Variants in SLC26A6 observed in about 807,000 individuals in gnomAD.
The protein encoded by SLC26A6 is anion exchange transporter.
A neutral mutation model predicts 87.1 loss-of-function variants in SLC26A6; 67 were observed. That is an observed-to-expected ratio of 0.77 (90% CI 0.63 to 0.94). SLC26A6 has a LOEUF of 0.94. Ranked by LOEUF, SLC26A6 falls within the 40% of genes least tolerant of loss-of-function variation. The pLI, the probability that SLC26A6 is intolerant of heterozygous loss-of-function variation, is 0.00. For synonymous variants in SLC26A6, 414 were observed against 405.9 expected, an observed-to-expected ratio of 1.02 and a Z score of -0.24; for missense variants, 902 against 973.0, an observed-to-expected ratio of 0.93 and a Z score of 0.97.
chr3:48,627,886 T>C, intron 17 of SLC26A6, 60 bp downstream of exon 17: 2 of 1,493,510 alleles, frequency 1.3e-6, no homozygotes, highest in African/African-American at 1.4e-5. Flanking sequence ...TCATGAGACA[T>C]GTGGATCCTG....
rs2046671334 is a variant in SLC26A6, at chr3:48,627,944, A to T, written c.1893+2T>A. 1 of 1,583,984 alleles carries T rather than the reference A, an allele frequency of 6.3e-7. No individual in the cohort carries two copies. Among genetic ancestry groups the T allele is most frequent in the East Asian group, 2.3e-5 (1 of 42,738 alleles). The stretch of plus-strand genomic sequence containing the variant: ...CACCTCCTTTCCCACCTCCAGTCTC[A>T]CCATCATCTTGCAGTCCTCAACGTT... On this transcript the variant is annotated splice_donor_variant, in intron 17 of 20. Transcript: ENST00000395550. LOFTEE classifies it high-confidence loss of function.
Position 48,631,797 on chromosome 3 carries a change from ACTGT to A in SLC26A6, c.751_754del (p.Thr251CysfsTer29). ...GGGCAGCTTCCAGCAGACCTCCAGC[ACTGT>A]CTGAGGAGAGGCCAGGTCACAGCTA... On this transcript the variant is annotated frameshift_variant and splice_region_variant, in exon 7 of 21. Coordinates refer to ENST00000395550, the MANE Select transcript of SLC26A6 (RefSeq NM_022911.3). LOFTEE classifies it high-confidence loss of function. 3.1e-6 allele frequency: 5 copies of A among 1,613,372 alleles called. No individual in the cohort carries two copies. The highest frequency in any genetic ancestry group is 1.3e-5 in the African/African-American group (1 of 74,896).
intron 13 of SLC26A6, 61 bp from the exon 14 acceptor site, chr3:48,629,772 C>T (rs775845480): frequency 5.0e-6 from 8 of 1,609,952 alleles, no homozygotes; most frequent in African/African-American, 2.7e-5. Flanking sequence ...CAGAGGGGTC[C>T]GAAGGAGCCT....
chr3:48,627,463 A>C, intron 17 of SLC26A6: 2 of 197,342 alleles, frequency 1.0e-5, no homozygotes, highest in Non-Finnish European at 1.0e-5. Flanking sequence ...ATCCTCTTTG[A>C]CCCCTCAATT....
In SLC26A6 at chr3:48,629,535, G is replaced by A. The variant is rs1431422289; in HGVS notation, c.1599+107C>T. ...TGAAATCCCAAAGACCAAAGCCAAA[G>A]TATCCTCAGCCCCCAGTTCCCTGGC... is the stretch of plus-strand genomic sequence containing the variant. On this transcript the variant is annotated intron_variant, in intron 14 of 20. Transcript: ENST00000395550. 1.3e-5 allele frequency: 17 copies of A among 1,261,486 alleles called. No individual in the cohort carries two copies. In the East Asian group the frequency reaches 4.0e-4, roughly 30 times the overall value. 78.1% of individuals were successfully genotyped at this position (1,261,486 alleles called of 1,614,324 possible). A position where few individuals can be genotyped will look rare whatever the true frequency, so the allele number is the denominator to read the frequency against.
Position 48,626,341 on chromosome 3 carries a change from G to A in SLC26A6, c.2142C>T (p.Ser714=). The part of the protein sequence containing the change: ...YMAACHSPVV[S]QLEAGHFFDA... Reference sequence around the variant, plus strand: ...CGAAGAAGTGCCCAGCCTCAAGCTGGCTGACCACAGGGCCTGTGGGCAAGA... The same window carrying A: ...CGAAGAAGTGCCCAGCCTCAAGCTGACTGACCACAGGGCCTGTGGGCAAGA... The change falls in exon 20 of 21, where the codon AGC becomes AGT. Residue 714 remains serine, a synonymous_variant. Transcript: ENST00000395550. 6.2e-7 allele frequency: 1 copy of A among 1,613,992 alleles called. No individual in the cohort carries two copies. The highest frequency in any genetic ancestry group is 8.5e-7 in the Non-Finnish European group (1 of 1,179,994).
At chr3:48,631,511 C>A in intron 7 of SLC26A6, 138 bp downstream of exon 7, 1 of 1,215,242 alleles carries the variant, frequency 8.2e-7, no homozygotes. Context: ...TAGGGGCTTT[C>A]TGCTGTGCCC....
Position 48,629,642 on chromosome 3 carries a change from C to G in SLC26A6, c.1599G>C (p.Glu533Asp). ...DIYRDVAEYS[E>D]AKEVRGVKVF... is the part of the protein sequence containing the mutation. ...ATCTCACTCAGCCCCTGACACTCAC[C>G]TCTGAGTACTCTGCCACATCTCTGT... The change falls in exon 14 of 21, where the codon GAG becomes GAC. Residue 533 changes from glutamate (E) to aspartate (D), a missense_variant and splice_region_variant. Glu to Asp is a conservative substitution (Grantham distance 45, BLOSUM62 2). Transcript: ENST00000395550. 1.2e-6 allele frequency: 2 copies of G among 1,611,348 alleles called. No homozygotes were observed. The highest frequency in any genetic ancestry group is 8.5e-7 in the Non-Finnish European group (1 of 1,178,652).
Position 48,628,138 on chromosome 3 carries a change from G to C in SLC26A6, c.1801-100C>G. On this transcript the variant is annotated intron_variant, in intron 16 of 20. Coordinates refer to ENST00000395550, the MANE Select transcript of SLC26A6 (RefSeq NM_022911.3). This position sits in a 1 kb window ranked among gnomAD's most constrained non-coding sequence, Gnocchi z 4.4. ...ATGCCCCCTGGTGCTGGGCAGGTGGGTGGGCCAGGACCAGAAGCTGTGGGA... is the reference window on the plus strand; with the variant it reads ...ATGCCCCCTGGTGCTGGGCAGGTGGCTGGGCCAGGACCAGAAGCTGTGGGA... 1.7e-6 allele frequency: 2 copies of C among 1,176,912 alleles called. No homozygotes were observed. The highest frequency in any genetic ancestry group is 2.4e-6 in the Non-Finnish European group (2 of 835,774). The allele number at this position is 1,176,912 out of a possible 1,614,324, so 72.9% of individuals were successfully genotyped here.
At chr3:48,630,863 T>C in intron 9 of SLC26A6, 130 bp downstream of exon 9, 2 of 1,522,684 alleles carry the variant, frequency 1.3e-6, no homozygotes, top group Non-Finnish European at 1.8e-6. Flanking sequence ...CGTCCTGCTC[T>C]CCCACCCTCA....
At chr3:48,634,392 GA>G (rs2046896458) in intron 1 of SLC26A6, 1 of 152,242 alleles carries the variant, frequency 6.6e-6, no homozygotes, top group Non-Finnish European at 1.5e-5. Context: ...ACCTACCAGG[GA>G]ATCTTTATCA....
rs770506570 is a variant in SLC26A6, at chr3:48,633,614, C to A, written c.45G>T (p.Leu15=). The change falls in exon 2 of 21, where the codon CTG becomes CTT. Residue 15 remains leucine, a synonymous_variant. Coordinates refer to ENST00000395550, the MANE Select transcript of SLC26A6 (RefSeq NM_022911.3). Reference sequence around the variant, plus strand: ...GGTCCATTGCTTGTGTTGCAGACAGCAGTGCCTGTGTGTCCCTCGGTCTGG... The same window carrying A: ...GGTCCATTGCTTGTGTTGCAGACAGAAGTGCCTGTGTGTCCCTCGGTCTGG... ...DASGPRDTQA[L]LSATQAMDLR... 1.9e-6 allele frequency: 3 copies of A among 1,613,546 alleles called. No homozygotes were observed. The highest frequency in any genetic ancestry group is 2.2e-5 in the East Asian group (1 of 44,886).
chr3:48,632,527 G>A, intron 4 of SLC26A6, 131 bp from the exon 5 acceptor site: 1 of 1,310,358 alleles, frequency 7.6e-7, no homozygotes, highest in Non-Finnish European at 1.1e-6. Context: ...TGCATGAACA[G>A]GGACAGTGCT....
At position 48,631,654 on chromosome 3, in the gene SLC26A6, G is replaced by A; in HGVS notation, c.898C>T (p.Leu300Phe). ...QLPMPIPGEL[L>F]TLIGATGISY... ...CCACTCCCTGGCCCTCGAACCGTGA[G>A]CAGCTCCCCGGGTATCGGCATGGGC... The change falls in exon 7 of 21, where the codon CTC becomes TTC. Residue 300 changes from leucine to phenylalanine, a missense_variant. This residue lies in a region of SLC26A6 where 800 missense variants were observed against 856.8 expected (regional missense o/e 0.93). Coordinates refer to ENST00000395550, the MANE Select transcript of SLC26A6 (RefSeq NM_022911.3). 6.2e-7 allele frequency: 1 copy of A among 1,613,122 alleles called. No individual in the cohort carries two copies. Among genetic ancestry groups the A allele is most frequent in the Non-Finnish European group, 8.5e-7 (1 of 1,179,820 alleles).
rs373325361 is a variant in SLC26A6, at chr3:48,629,956, G to A, written c.1445C>T (p.Thr482Met). The change falls in exon 13 of 21, where the codon ACG (threonine) becomes ATG (methionine). Residue 482 changes from threonine to methionine, a missense_variant. Thr to Met is a moderately conservative substitution (Grantham distance 81, BLOSUM62 -1). Around this residue, in one of 3 missense-constraint regions of SLC26A6, gnomAD observed 800 missense variants for 856.8 expected, o/e 0.93. Transcript: ENST00000395550. ...GTCCAGGTTCAGCAAGATGGTGGCCGTGAAGGTCACCAGCCAGATAAGCTG... is the reference window on the plus strand; with the variant it reads ...GTCCAGGTTCAGCAAGATGGTGGCCATGAAGGTCACCAGCCAGATAAGCTG... The part of the protein sequence containing the change: ...ADLLIWLVTF[T>M]ATILLNLDLG... 30 of 1,614,002 alleles carry A rather than the reference G, an allele frequency of 1.9e-5. No homozygotes were observed. Among genetic ancestry groups the A allele is most frequent in the African/African-American group, 8.0e-5 (6 of 74,940 alleles).
Position 48,628,701 on chromosome 3 carries a change from C to A in SLC26A6, c.1613G>T (p.Arg538Leu), listed in dbSNP as rs111328728. ...VAEYSEAKEV[R>L]GVKVFRSSAT... Reference sequence around the variant, plus strand: ...CGAGGAGCGGAAGACCTTCACCCCCCGGACTTCCTTGGCCTGGGGATGAGG... The same window carrying A: ...CGAGGAGCGGAAGACCTTCACCCCCAGGACTTCCTTGGCCTGGGGATGAGG... The change falls in exon 15 of 21, where the codon CGG (arginine) becomes CTG (leucine). Residue 538 changes from arginine (R) to leucine (L), a missense_variant. Arg to Leu is a moderately radical substitution (Grantham distance 102). Coordinates refer to ENST00000395550, the MANE Select transcript of SLC26A6 (RefSeq NM_022911.3). The surrounding 1 kb of genome is among the most constrained non-coding windows in gnomAD (Gnocchi z 4.4). The A allele has an allele frequency of 1.2e-6, 2 of 1,613,222 alleles. No homozygotes were observed. The highest frequency in any genetic ancestry group is 2.7e-5 in the African/African-American group (2 of 74,884).
At chr3:48,632,197 G>A (rs1339880796) in intron 5 of SLC26A6, 48 bp downstream of exon 5, 9 of 1,568,602 alleles carry the variant, frequency 5.7e-6, no homozygotes, top group Non-Finnish European at 7.8e-6. Context: ...GGACAGTGGC[G>A]GGAGCAGAAG....
In SLC26A6 at chr3:48,633,001, AC is replaced by A; in HGVS notation, c.405del (p.Phe136LeufsTer17). ...SSFYPVFIYF[L>X]FGTSRHISVG... ...ACGGAGATGTGCCGGGAAGTGCCAA[AC>A]AGGAAGTAGATGAAGACAGGGTAGA... On this transcript the variant is annotated frameshift_variant, in exon 4 of 21. Coordinates refer to ENST00000395550, the MANE Select transcript of SLC26A6 (RefSeq NM_022911.3). LOFTEE classifies it high-confidence loss of function. 2 of 1,613,626 alleles carry A rather than the reference AC, an allele frequency of 1.2e-6. No homozygotes were observed. Among genetic ancestry groups the A allele is most frequent in the Non-Finnish European group, 1.7e-6 (2 of 1,179,944 alleles).
At chr3:48,632,156 C>A in intron 5 of SLC26A6, 89 bp downstream of exon 5, 1 of 1,576,508 alleles carries the variant, frequency 6.3e-7, no homozygotes, top group Non-Finnish European at 8.6e-7. Context: ...AGGAGGACGA[C>A]GATGGTCAGA....
Sources: gnomAD v4.1 joint callset for allele counts on GRCh38, gnomAD v4.1.1 for gene constraint, gnomAD v4.1.1 regional missense constraint, Gnocchi (gnomAD v3.1) non-coding constraint, MANE v1.5 for transcripts, NCBI Gene and HGNC (gene_info 2026-07-23, HGNC 2026-07-21) for gene names.